Variants in KIF14 observed in about 807,000 individuals in gnomAD.
The protein encoded by KIF14 is kinesin family member 14, also known as kinesin-like protein KIF14.
In KIF14, 98 loss-of-function variants were observed where a neutral mutation model predicts 176.2. That is an observed-to-expected ratio of 0.56 (90% CI 0.47 to 0.66). The LOEUF (loss-of-function observed/expected upper bound fraction) is 0.66, where lower values mean the gene tolerates loss of function less well. KIF14 is among the 30% of genes least tolerant of loss of function. KIF14 has a pLI of 0.00. For missense variants in KIF14, 1,751 were observed against 1,920.4 expected (o/e 0.91, Z 1.65); for synonymous variants, 566 against 632.2 (o/e 0.90, Z 1.57).
chr1:200,586,377 T>C (rs1428265737), intron 18 of KIF14, 150 bp from the exon 19 acceptor site: 2 of 543,264 alleles, frequency 3.7e-6, no homozygotes, highest in Non-Finnish European at 6.0e-6. Context: ...ATAACTTAAA[T>C]ATACACAATA....
At chr1:200,612,074 C>T (rs1660184095) in intron 4 of KIF14, among the ~76,000 whole-genome samples, 1 of 151,728 alleles carries the variant, frequency 6.6e-6, no homozygotes. Context: ...ATGATCTCAG[C>T]TCAGTGCAAT....
At position 200,617,889 on chromosome 1, in the gene KIF14, T is replaced by C. The variant is rs1241237909; in HGVS notation, c.835A>G (p.Thr279Ala). 5 of 1,614,036 alleles carry C rather than the reference T, an allele frequency of 3.1e-6. No homozygotes were observed. The highest frequency in any genetic ancestry group is 4.2e-6 in the Non-Finnish European group (5 of 1,180,040). Reference sequence around the variant, plus strand: ...AGTTTGTGTTCTGTTGTACATTTTGTAGGTGTTCTTTTTTCTAAGCTCCCA... The same window carrying C: ...AGTTTGTGTTCTGTTGTACATTTTGCAGGTGTTCTTTTTTCTAAGCTCCCA... Reference protein sequence around the residue: ...KFGSLEKRTPTKCTTEHKLTT... With the variant: ...KFGSLEKRTPAKCTTEHKLTT... Residue 279 changes from threonine to alanine, a missense_variant, in exon 2 of 30, where the codon ACA becomes GCA. Coordinates refer to ENST00000367350, the MANE Select transcript of KIF14 (RefSeq NM_014875.3).
intron 22 of KIF14, among the ~76,000 whole-genome samples, chr1:200,571,993 G>A (rs371547552): frequency 7.9e-5 from 12 of 152,118 alleles, no homozygotes; most frequent in East Asian, 3.8e-4. Flanking sequence ...ATTGCAGAAC[G>A]ACTGTGGCAT....
chr1:200,587,918 T>G (rs1658839003), intron 18 of KIF14, among the ~76,000 whole-genome samples: 3 of 152,214 alleles, frequency 2.0e-5, no homozygotes, highest in Admixed American at 2.0e-4. Context: ...AGCCACTTTG[T>G]GTCCAGGAGT....
At chr1:200,605,967 A>G in intron 6 of KIF14, 73 bp from the exon 7 acceptor site, 1 of 794,244 alleles carries the variant, frequency 1.3e-6, no homozygotes, top group Non-Finnish European at 2.0e-6. Flanking sequence ...AAACAATAAC[A>G]TTTCAATTAC....
chr1:200,571,320 GAA>G (rs57110701), intron 22 of KIF14, among the ~76,000 whole-genome samples: 1 of 133,516 alleles, frequency 7.5e-6, no homozygotes, highest in Non-Finnish European at 1.6e-5. Context: ...ATCTCAAAAA[GAA>G]AAAAAAAAAA....
intron 26 of KIF14, among the ~76,000 whole-genome samples, chr1:200,560,119 A>G (rs1159679706): frequency 6.6e-6 from 1 of 152,208 alleles, no homozygotes; most frequent in African/African-American, 2.4e-5. Context: ...AAGCAAGCAG[A>G]TACAAATTAT....
rs747146651 is a variant in KIF14 at position 200,589,343 on chromosome 1, C to A, written c.2988G>T (p.Met996Ile). Residue 996 changes from methionine to isoleucine, a missense_variant, in exon 18 of 30, where the codon ATG becomes ATT. By Grantham distance (10) the Met-to-Ile change is conservative (BLOSUM62 1). Coordinates refer to ENST00000367350, the MANE Select transcript of KIF14 (RefSeq NM_014875.3). ...TAGCCTTCTGGTTATTTATTTCCTG[C>A]ATTTTTTTCCTTTGAGACTCTTCTC... ...ELREESQRKK[M>I]QEINNQKANH... 1.9e-6 allele frequency: 3 copies of A among 1,608,740 alleles called. No individual in the cohort carries two copies. Among genetic ancestry groups the A allele is most frequent in the African/African-American group, 2.7e-5 (2 of 74,688 alleles).
chr1:200,587,174 T>A (rs1168272651), intron 18 of KIF14, among the ~76,000 whole-genome samples: 6 of 151,928 alleles, frequency 3.9e-5, no homozygotes, highest in Non-Finnish European at 7.4e-5. Context: ...CCTGGTACAA[T>A]GGACATTGAA....
chr1:200,584,625 T>C (rs928499155), intron 19 of KIF14, among the ~76,000 whole-genome samples: 3 of 152,176 alleles, frequency 2.0e-5, no homozygotes, highest in African/African-American at 7.2e-5. Flanking sequence ...TTTCAATAGG[T>C]GCAAAAAACC....
At chr1:200,594,948 T>C (rs1659252965) in intron 14 of KIF14, among the ~76,000 whole-genome samples, 1 of 152,212 alleles carries the variant, frequency 6.6e-6, no homozygotes, top group African/African-American at 2.4e-5. Flanking sequence ...CTCCTAATTC[T>C]ATCTACTCTG....
At chr1:200,611,147 C>T (rs1660137526) in intron 4 of KIF14, among the ~76,000 whole-genome samples, 1 of 152,110 alleles carries the variant, frequency 6.6e-6, no homozygotes, top group Non-Finnish European at 1.5e-5. Context: ...GCATGGTTTC[C>T]TTATTAGAGA....
At chr1:200,564,520 T>C (rs1173092861) in intron 25 of KIF14, among the ~76,000 whole-genome samples, 1 of 152,220 alleles carries the variant, frequency 6.6e-6, no homozygotes, top group Non-Finnish European at 1.5e-5. Context: ...AACCTAATCT[T>C]ATCTGATACA....
intron 27 of KIF14, 92 bp downstream of exon 27, chr1:200,559,238 A>C: frequency 1.3e-6 from 1 of 757,492 alleles, no homozygotes; most frequent in Non-Finnish European, 1.9e-6. Flanking sequence ...AAATTAAAAC[A>C]TATGAATTTA....
intron 23 of KIF14, among the ~76,000 whole-genome samples, chr1:200,568,895 T>C (rs893665993): frequency 5.9e-5 from 9 of 151,926 alleles, no homozygotes; most frequent in African/African-American, 1.9e-4. Flanking sequence ...TATTGCTGCA[T>C]AGTAGTCTAT....
chr1:200,618,228 T>A lies in KIF14; in HGVS notation c.496A>T (p.Ile166Phe). The change falls in exon 2 of 30, where the codon ATT becomes TTT. Residue 166 changes from isoleucine to phenylalanine, a missense_variant. By Grantham distance (21) the Ile-to-Phe change is conservative (BLOSUM62 0). Transcript: ENST00000367350. ...VSKESRTNVR[I>F]VNNAKNSFVA... The stretch of plus-strand genomic sequence containing the variant: ...AAAGAGTTTTTAGCATTATTTACAA[T>A]CCTTACATTTGTTCTACTTTCCTTA... 1 of 1,613,960 alleles carries A rather than the reference T, an allele frequency of 6.2e-7. No individual in the cohort carries two copies. The highest frequency in any genetic ancestry group is 8.5e-7 in the Non-Finnish European group (1 of 1,180,000).
At chr1:200,571,216 G>A (rs1657767857) in intron 22 of KIF14, among the ~76,000 whole-genome samples, 1 of 151,644 alleles carries the variant, frequency 6.6e-6, no homozygotes, top group South Asian at 2.1e-4. Context: ...TCGGGAGGCT[G>A]AGGCAGAAGA....
chr1:200,590,995 C>A (rs1327296700), intron 16 of KIF14, among the ~76,000 whole-genome samples: 1 of 151,830 alleles, frequency 6.6e-6, no homozygotes, highest in Non-Finnish European at 1.5e-5. Flanking sequence ...CAACTGTACT[C>A]CAGCCTAGAC....
intron 25 of KIF14, 92 bp downstream of exon 25, chr1:200,564,977 C>T (rs1189884628): frequency 1.1e-6 from 1 of 948,278 alleles, no homozygotes; most frequent in South Asian, 1.8e-5. Context: ...GAAAATCATA[C>T]AGAGCTAATT....
Sources: allele counts gnomAD v4.1 joint callset (sites outside exome capture counted in the v4.1 genomes callset), GRCh38; gene constraint gnomAD v4.1.1; transcripts MANE v1.5; gene names NCBI Gene and HGNC (gene_info 2026-07-23, HGNC 2026-07-21).